The following GPR158 variants were observed in gnomAD, a reference collection of about 807,000 sequenced individuals.
GPR158 encodes the protein G protein-coupled receptor 158.
Under a neutral mutation model 78.2 loss-of-function variants are expected in GPR158, and 30 were observed. The observed-to-expected ratio is 0.38, with a 90% CI of 0.29 to 0.52. GPR158 has a LOEUF of 0.52. Ranked by LOEUF, GPR158 falls within the 20% of genes least tolerant of loss-of-function variation. The pLI, the probability that GPR158 is intolerant of heterozygous loss-of-function variation, is 0.83. For synonymous variants in GPR158, 581 were observed against 591.1 expected (o/e 0.98, Z 0.25); for missense variants, 1,463 against 1,523.5 (o/e 0.96, Z 0.66).
intron 2 of GPR158, among the ~76,000 whole-genome samples, chr10:25,342,770 A>G (rs1426125768): frequency 3.3e-5 from 5 of 151,224 alleles, no homozygotes; most frequent in Non-Finnish European, 7.4e-5. Context: ...AATGAGGACT[A>G]AGTTCTTTTT....
chr10:25,572,383 C>T (rs545022227), intron 6 of GPR158, among the ~76,000 whole-genome samples: 1 of 152,290 alleles, frequency 6.6e-6, no homozygotes, highest in East Asian at 1.9e-4. Context: ...GTCTCAGCTA[C>T]TTGGAAGGCT....
Position 25,175,772 on chromosome 10 carries a change from G to A in GPR158, c.352G>A (p.Ala118Thr), listed in dbSNP as rs1374365466. Residue 118 changes from alanine to threonine, a missense_variant, in exon 1 of 11, where the codon GCG becomes ACG. Physicochemically the swap from Ala to Thr is moderately conservative, Grantham distance 58. Coordinates refer to ENST00000376351, the MANE Select transcript of GPR158 (RefSeq NM_020752.3). The surrounding 1 kb of genome is among the most constrained non-coding windows in gnomAD (Gnocchi z 6.4). ...GGGGAAGTGGCCAGCCCTGGCCAGC[G>A]CGCACCCCTCCTTGCACCGGGCGCT... Reference protein sequence around the residue: ...LPGKWPALASAHPSLHRALDT... With the variant: ...LPGKWPALASTHPSLHRALDT... 1 of 1,611,076 alleles carries A rather than the reference G, an allele frequency of 6.2e-7. No individual in the cohort carries two copies. Among genetic ancestry groups the A allele is most frequent in the Non-Finnish European group, 8.5e-7 (1 of 1,179,948 alleles).
At chr10:25,530,840 C>G (rs1053067720) in intron 5 of GPR158, among the ~76,000 whole-genome samples, 20 of 152,284 alleles carry the variant, frequency 1.3e-4, no homozygotes, top group African/African-American at 4.6e-4. Flanking sequence ...CCTTTTCCAG[C>G]CTTGTGTCAG....
rs564103177 is a variant in GPR158 at position 25,302,695 on chromosome 10, G to A, written c.1008+81538G>A. ...ATATGTAAAAACAATTTTAGCTTGC[G>A]AGCCATACAAAAACAGACTGCAGAT... On this transcript the variant is annotated intron_variant, in intron 2 of 10. Coordinates refer to ENST00000376351, the MANE Select transcript of GPR158 (RefSeq NM_020752.3). Among the ~76,000 whole-genome samples, 3 of 152,098 alleles carry A rather than the reference G, an allele frequency of 2.0e-5. No homozygotes were observed. The South Asian group carries it at 6.2e-4, about 32-fold the overall frequency.
At chr10:25,306,470 T>C (rs952506015) in intron 2 of GPR158, among the ~76,000 whole-genome samples, 2 of 151,694 alleles carry the variant, frequency 1.3e-5, no homozygotes, top group African/African-American at 4.8e-5. Context: ...GATTGGAGAA[T>C]ACAAGTGTTA....
chr10:25,583,216 C>A (rs974754473), intron 7 of GPR158, among the ~76,000 whole-genome samples: 13 of 152,140 alleles, frequency 8.5e-5, no homozygotes, highest in African/African-American at 3.1e-4. Flanking sequence ...CTTGCAACGT[C>A]TTCTGTATCC....
At chr10:25,248,184 T>C (rs1230440749) in intron 2 of GPR158, among the ~76,000 whole-genome samples, 1 of 151,962 alleles carries the variant, frequency 6.6e-6, no homozygotes, top group East Asian at 1.9e-4. Context: ...TCTTGTAAAT[T>C]TGGTTGAGTT....
intron 5 of GPR158, among the ~76,000 whole-genome samples, chr10:25,503,754 C>T (rs1192669392): frequency 1.3e-5 from 2 of 149,682 alleles, no homozygotes; most frequent in African/African-American, 4.8e-5. Flanking sequence ...GCCTTCTGGT[C>T]TACCCACAGC....
intron 5 of GPR158, among the ~76,000 whole-genome samples, chr10:25,483,501 C>T (rs1020424373): frequency 3.3e-5 from 5 of 152,104 alleles, no homozygotes; most frequent in Non-Finnish European, 5.9e-5. Context: ...GCTCTTTTTG[C>T]ATAGAATTGA....
intron 1 of GPR158, among the ~76,000 whole-genome samples, chr10:25,188,522 A>G (rs1852721508): frequency 6.6e-6 from 1 of 152,224 alleles, no homozygotes; most frequent in Admixed American, 6.5e-5. Flanking sequence ...GACAAAAACA[A>G]CAAATGGGTA....
intron 1 of GPR158, among the ~76,000 whole-genome samples, chr10:25,207,298 A>G (rs947836719): frequency 7.2e-5 from 11 of 152,108 alleles, no homozygotes; most frequent in Non-Finnish European, 1.5e-4. Context: ...TGACTCATTC[A>G]TTGGTGCTTC....
intron 5 of GPR158, among the ~76,000 whole-genome samples, chr10:25,467,809 A>T (rs755855031): frequency 6.6e-6 from 1 of 152,226 alleles, no homozygotes; most frequent in East Asian, 1.9e-4. Flanking sequence ...ACAGTTCTGC[A>T]TTGCTGATTT....
chr10:25,369,194 C>A (rs1204807528), intron 2 of GPR158, among the ~76,000 whole-genome samples: 3 of 151,142 alleles, frequency 2.0e-5, no homozygotes, highest in Non-Finnish European at 3.0e-5. Context: ...GCCAGAACTT[C>A]CAACACTATG....
In GPR158 at chr10:25,534,586, CAA is replaced by C. The variant is rs57381468; in HGVS notation, c.1405-16373_1405-16372del. ...TACAACCCCGTCTCTACTAAAAATG[CAA>C]AAAAAAAAAAAAAAAATTAGCTGGG... is the stretch of plus-strand genomic sequence containing the variant. On this transcript the variant is annotated intron_variant, in intron 5 of 10. Transcript: ENST00000376351. 0.027 allele frequency among the ~76,000 whole-genome samples: 2,984 copies of C among 110,036 alleles called. 304 individuals are homozygous for C. The East Asian group carries it at 0.36, about 13-fold the overall frequency. The allele number at this position is 110,036 out of a possible 152,430, so 72.2% of individuals were successfully genotyped here.
chr10:25,273,762 C>G (rs1854147998), intron 2 of GPR158, among the ~76,000 whole-genome samples: 1 of 151,832 alleles, frequency 6.6e-6, no homozygotes, highest in Non-Finnish European at 1.5e-5. Flanking sequence ...TCACTGAAGC[C>G]TCGACCTCCC....
intron 1 of GPR158, among the ~76,000 whole-genome samples, chr10:25,177,801 A>G (rs1852559985): frequency 6.6e-6 from 1 of 152,328 alleles, no homozygotes; most frequent in East Asian, 1.9e-4. Context: ...TATTAAGTGC[A>G]TGTGTGTGTG....
chr10:25,321,650 C>T (rs77367929), intron 2 of GPR158, among the ~76,000 whole-genome samples: 1 of 8,422 alleles, frequency 1.2e-4, no homozygotes, highest in Non-Finnish European at 5.2e-4. Flanking sequence ...TTAAAATAAA[C>T]AAACAAACAA....
In GPR158 at chr10:25,320,182, T is replaced by G. The variant is rs824154; in HGVS notation, c.1009-75729T>G. On this transcript the variant is annotated intron_variant, in intron 2 of 10. Coordinates refer to ENST00000376351, the MANE Select transcript of GPR158 (RefSeq NM_020752.3). ...ATATGTCCCAGAGGCCTTCTTTTCT[T>G]GTAGCTGCTCCACATAGTATATCTC... Among the ~76,000 whole-genome samples, 487 of 152,348 alleles carry G rather than the reference T, an allele frequency of 3.2e-3. 5 individuals carry two copies. The highest frequency in any genetic ancestry group is 4.7e-3 in the Non-Finnish European group (317 of 68,026).
At chr10:25,403,585 T>G (rs1256991427) in intron 3 of GPR158, among the ~76,000 whole-genome samples, 1 of 152,092 alleles carries the variant, frequency 6.6e-6, no homozygotes, top group East Asian at 1.9e-4. Flanking sequence ...ATTCTGTGCA[T>G]GGAGGATGTG....
Sources: gnomAD v4.1 joint callset for allele counts (sites outside exome capture counted in the v4.1 genomes callset) on GRCh38, gnomAD v4.1.1 for gene constraint, Gnocchi (gnomAD v3.1) non-coding constraint, MANE v1.5 for transcripts, NCBI Gene and HGNC (gene_info 2026-07-23, HGNC 2026-07-21) for gene names.